Variants in AGO3 observed in about 807,000 individuals in gnomAD.
The protein encoded by AGO3 is argonaute RISC catalytic component 3, also known as protein argonaute-3.
A neutral mutation model predicts 105.5 loss-of-function variants in AGO3; 16 were observed. That is an observed-to-expected ratio of 0.15 (90% CI 0.10 to 0.23). The LOEUF is 0.23. Among genes scored for constraint, AGO3 ranks in the 10% least tolerant of loss-of-function variants. The pLI is 1.00. For synonymous variants in AGO3, 340 were observed against 367.3 expected (o/e 0.93, Z 0.85); for missense variants, 534 against 1,088.0 (o/e 0.49, Z 7.16).
At chr1:36,017,669 G>C (rs1394776373) in intron 11 of AGO3, among the ~76,000 whole-genome samples, 1 of 152,130 alleles carries the variant, frequency 6.6e-6, no homozygotes, top group Non-Finnish European at 1.5e-5. Context: ...TTGGGAGGCT[G>C]AGGTGGGCAG....
rs780061916 is a variant in AGO3 at position 36,040,372 on chromosome 1, T to A, written c.2103T>A (p.Pro701=). ...ACISLEKDYQ[P]GITYIVVQKR... Reference sequence around the variant, plus strand: ...TCAGTTTGGAGAAAGACTATCAACCTGGAATAACCTACATTGTAGTTCAGA... The same window carrying A: ...TCAGTTTGGAGAAAGACTATCAACCAGGAATAACCTACATTGTAGTTCAGA... Residue 701 remains proline, a synonymous_variant, in exon 16 of 19, where the codon CCT becomes CCA. Transcript: ENST00000373191. The A allele has an allele frequency of 1.2e-6, 2 of 1,613,818 alleles. No individual in the cohort carries two copies. Among genetic ancestry groups the A allele is most frequent in the East Asian group, 4.5e-5 (2 of 44,850 alleles).
chr1:36,007,990 A>G (rs1242512648), intron 6 of AGO3, among the ~76,000 whole-genome samples: 2 of 152,334 alleles, frequency 1.3e-5, no homozygotes, highest in South Asian at 2.1e-4. Flanking sequence ...GTGCTAAATT[A>G]TGTATATGTG....
rs1202762389 is a variant in AGO3, at chr1:36,058,729, ACACTGTTG to A, written c.*2987_*2994del. Reference sequence around the variant, plus strand: ...TGAAGTGTCTGAAATGCAATTTACAACACTGTTGCAAAGAACTTTACAAAAGGTAATAT... The same window carrying A: ...TGAAGTGTCTGAAATGCAATTTACAACAAAGAACTTTACAAAAGGTAATAT... On this transcript the variant is annotated 3_prime_UTR_variant, in exon 19 of 19. Coordinates refer to ENST00000373191, the MANE Select transcript of AGO3 (RefSeq NM_024852.4). 1.3e-5 allele frequency: 2 copies of A among 152,204 alleles called. No homozygotes were observed. The highest frequency in any genetic ancestry group is 2.9e-5 in the Non-Finnish European group (2 of 68,036). 9.4% of individuals were successfully genotyped at this position (152,204 alleles called of 1,614,324 possible).
chr1:36,040,544 T>C (rs1642200295), intron 16 of AGO3, 103 bp downstream of exon 16: 1 of 1,268,226 alleles, frequency 7.9e-7, no homozygotes, highest in Non-Finnish European at 1.1e-6. Context: ...ATTTCCAATA[T>C]ATAGTAGCAA....
At chr1:36,025,636 A>G (rs1641468224) in intron 11 of AGO3, among the ~76,000 whole-genome samples, 1 of 152,198 alleles carries the variant, frequency 6.6e-6, no homozygotes, top group African/African-American at 2.4e-5. Context: ...TGTTTTGGGC[A>G]AAGATCACTC....
Position 36,005,079 on chromosome 1 carries a change from A to G in AGO3, c.793+604A>G, listed in dbSNP as rs74760110. 4.0e-3 allele frequency among the ~76,000 whole-genome samples: 613 copies of G among 152,220 alleles called. 4 individuals are homozygous for G. Among genetic ancestry groups the G allele is most frequent in the African/African-American group, 0.013 (541 of 41,562 alleles). On this transcript the variant is annotated intron_variant, in intron 6 of 18. Transcript: ENST00000373191. ...AAATTCATCTCTATGTGGCTGCCCAAAAATAAAAATAAAAATAATTTTAAT... is the reference window on the plus strand; with the variant it reads ...AAATTCATCTCTATGTGGCTGCCCAGAAATAAAAATAAAAATAATTTTAAT...
Position 36,034,346 on chromosome 1 carries a change from A to C in AGO3, c.1751+13A>C, listed in dbSNP as rs772838453. The C allele has an allele frequency of 2.6e-6, 4 of 1,562,724 alleles. No homozygotes were observed. In the East Asian group the frequency reaches 6.8e-5, roughly 27 times the overall value. ...TACCTCATCAAAGGTAAGATATGCT[A>C]ATCGCTTATGAAAATATTATTTTTA... is the stretch of plus-strand genomic sequence containing the variant. On this transcript the variant is annotated intron_variant, in intron 13 of 18. Coordinates refer to ENST00000373191, the MANE Select transcript of AGO3 (RefSeq NM_024852.4).
intron 1 of AGO3, among the ~76,000 whole-genome samples, chr1:35,932,600 T>C (rs1265459795): frequency 6.6e-6 from 1 of 151,860 alleles, no homozygotes; most frequent in Admixed American, 6.6e-5. Flanking sequence ...TGGAAGTTTC[T>C]CTAATCAATT....
intron 2 of AGO3, among the ~76,000 whole-genome samples, chr1:35,952,136 C>T (rs1326661025): frequency 1.8e-5 from 2 of 111,520 alleles, no homozygotes; most frequent in African/African-American, 8.9e-5. Context: ...TTCTTTCTTT[C>T]TTTCTTTCTT....
At chr1:36,022,491 G>A (rs910787699) in intron 11 of AGO3, among the ~76,000 whole-genome samples, 3 of 152,120 alleles carry the variant, frequency 2.0e-5, no homozygotes, top group Admixed American at 6.6e-5. Context: ...TAACATTTAT[G>A]AGTGTATAGC....
chr1:35,995,209 A>AAAAAATATATATATATAT (rs1237315557), intron 5 of AGO3, among the ~76,000 whole-genome samples: 2 of 114,738 alleles, frequency 1.7e-5, no homozygotes, highest in African/African-American at 7.5e-5. Context: ...TAAAAAAAAA[A>AAAAAATATATATATATAT]ATATATATAT....
intron 2 of AGO3, among the ~76,000 whole-genome samples, chr1:35,948,084 A>C (rs1646400508): frequency 6.6e-6 from 1 of 152,126 alleles, no homozygotes; most frequent in African/African-American, 2.4e-5. Context: ...TAAATAAATA[A>C]AAATAAAAAG....
intron 4 of AGO3, among the ~76,000 whole-genome samples, chr1:35,972,882 A>T (rs1323020862): frequency 3.1e-5 from 4 of 128,000 alleles, no homozygotes; most frequent in Admixed American, 1.8e-4. Flanking sequence ...TTTTTTGTAG[A>T]GATGGAATCT....
intron 5 of AGO3, among the ~76,000 whole-genome samples, chr1:35,989,119 A>G (rs1647375463): frequency 6.6e-6 from 1 of 152,220 alleles, no homozygotes; most frequent in Non-Finnish European, 1.5e-5. Flanking sequence ...GGAAGCATAA[A>G]AGGGAGGGAT....
chr1:35,952,358 G>T (rs1646490167), intron 2 of AGO3, among the ~76,000 whole-genome samples: 1 of 151,776 alleles, frequency 6.6e-6, no homozygotes, highest in Admixed American at 6.6e-5. Context: ...GGCCCAGCTG[G>T]TCTCAAACTC....
intron 5 of AGO3, among the ~76,000 whole-genome samples, chr1:36,000,029 A>G (rs888238068): frequency 1.2e-4 from 18 of 152,094 alleles, no homozygotes; most frequent in Non-Finnish European, 2.5e-4. Flanking sequence ...TATTTGCTTC[A>G]GTGCTGAATT....
intron 2 of AGO3, among the ~76,000 whole-genome samples, chr1:35,960,071 CTTATATTATCATATATT>C (rs1646646421): frequency 6.6e-6 from 1 of 151,908 alleles, no homozygotes; most frequent in South Asian, 2.1e-4. Context: ...TATTTCGGTA[CTTATATTATCATATATT>C]TTAAAGGTTT....
At chr1:36,037,814 TAAAG>T (rs1233162171) in intron 14 of AGO3, among the ~76,000 whole-genome samples, 6 of 152,232 alleles carry the variant, frequency 3.9e-5, no homozygotes, top group East Asian at 3.8e-4. Flanking sequence ...GATAAAATGA[TAAAG>T]AAAGGAACTC....
chr1:35,992,800 A>G (rs1382109567), intron 5 of AGO3, among the ~76,000 whole-genome samples: 1 of 152,176 alleles, frequency 6.6e-6, no homozygotes, highest in Non-Finnish European at 1.5e-5. Flanking sequence ...AAACTATCTC[A>G]CACATTTTCT....
Sources: gnomAD v4.1 joint callset for allele counts (sites outside exome capture counted in the v4.1 genomes callset) on GRCh38, gnomAD v4.1.1 for gene constraint, MANE v1.5 for transcripts, NCBI Gene and HGNC (gene_info 2026-07-23, HGNC 2026-07-21) for gene names.